SCN10A: variants seen among roughly 807,000 people sequenced by gnomAD.
The protein encoded by SCN10A is sodium voltage-gated channel alpha subunit 10, also known as sodium channel protein type 10 subunit alpha.
In SCN10A, 162 loss-of-function variants were observed where a neutral mutation model predicts 170.7. The ratio of observed to expected loss-of-function variants is 0.95; its 90% CI spans 0.84 to 1.08. The LOEUF is 1.08. Ranked by LOEUF, SCN10A falls within the 50% of genes least tolerant of loss-of-function variation. SCN10A has a pLI of 0.00. For synonymous variants in SCN10A, 985 were observed against 904.6 expected, an observed-to-expected ratio of 1.09 and a Z score of -1.59; for missense variants, 2,527 against 2,436.9, an observed-to-expected ratio of 1.04 and a Z score of -0.78.
intron 1 of SCN10A, among the ~76,000 whole-genome samples, chr3:38,803,681 G>A (rs1220511656): frequency 6.6e-6 from 1 of 150,722 alleles, no homozygotes; most frequent in Non-Finnish European, 1.5e-5. Context: ...GATAGCATTA[G>A]GAGATATACC....
In SCN10A at chr3:38,702,053, G is replaced by A. The variant is rs1156607706; in HGVS notation, c.4443C>T (p.Thr1481=). The A allele has an allele frequency of 6.3e-7, 1 of 1,599,078 alleles. No homozygotes were observed. The highest frequency in any genetic ancestry group is 8.5e-7 in the Non-Finnish European group (1 of 1,172,818). Residue 1481 remains threonine, a synonymous_variant, in exon 27 of 28, where the codon ACC becomes ACT. Transcript: ENST00000449082. ...DIVTRQAFDI[T]IMVLICLNMI... is the part of the protein sequence containing the mutation. ...TGTTGAGGCAGATGAGGACCATGAT[G>A]GTGATGTCAAAAGCTTGTCTGGTCA... is the stretch of plus-strand genomic sequence containing the variant.
rs750148431 is a variant in SCN10A, at chr3:38,712,452, G to C, written c.3805-7C>G. 10 of 1,612,256 alleles carry C rather than the reference G, an allele frequency of 6.2e-6. No homozygotes were observed. The Admixed American group carries it at 1.7e-4, about 27-fold the overall frequency. ...CCAGGGCATCCACCACCACCTGGTG[G>C]GAGATAGAGAAAGACCTGGAACCTC... On this transcript the variant is annotated splice_polypyrimidine_tract_variant and splice_region_variant and intron_variant, in intron 22 of 27. Coordinates refer to ENST00000449082, the MANE Select transcript of SCN10A (RefSeq NM_006514.4).
At chr3:38,725,427 C>T (rs1449395028) in intron 17 of SCN10A, 113 bp from the exon 18 acceptor site, 2 of 960,082 alleles carry the variant, frequency 2.1e-6, no homozygotes, top group Non-Finnish European at 3.0e-6. Context: ...TTCATATATG[C>T]AACTCATGTA....
intron 19 of SCN10A, among the ~76,000 whole-genome samples, chr3:38,722,635 T>G (rs2063406093): frequency 6.6e-6 from 1 of 152,176 alleles, no homozygotes; most frequent in Admixed American, 6.5e-5. Context: ...CTCTGATGTT[T>G]TTCCTAGCCA....
chr3:38,781,784 G>T (rs2126050215), intron 4 of SCN10A, among the ~76,000 whole-genome samples: 1 of 152,194 alleles, frequency 6.6e-6, no homozygotes, highest in Non-Finnish European at 1.5e-5. Context: ...TTTATGGTCT[G>T]AAACCCCAAT....
chr3:38,729,030 T>C lies in SCN10A; in HGVS notation c.2281-129A>G. On this transcript the variant is annotated intron_variant, in intron 15 of 27. Coordinates refer to ENST00000449082, the MANE Select transcript of SCN10A (RefSeq NM_006514.4). The stretch of plus-strand genomic sequence containing the variant: ...CATCCCATTAAACCAGGGCGTTTTC[T>C]GGACACTGCTTTTGGAGACCTTTCT... The C allele has an allele frequency of 4.3e-6, 5 of 1,149,978 alleles. No individual in the cohort carries two copies. The South Asian group carries it at 8.2e-5, about 19-fold the overall frequency. 71.2% of individuals were successfully genotyped at this position (1,149,978 alleles called of 1,614,324 possible).
rs1020868099 is a variant in SCN10A at position 38,792,378 on chromosome 3, A to G, written c.271-210T>C. On this transcript the variant is annotated intron_variant, in intron 2 of 27. Coordinates refer to ENST00000449082, the MANE Select transcript of SCN10A (RefSeq NM_006514.4). Reference sequence around the variant, plus strand: ...TCCTCACCCTCTCAGCAAGATCCTCATCTCTGGGACTGACAGTGCACCAAG... The same window carrying G: ...TCCTCACCCTCTCAGCAAGATCCTCGTCTCTGGGACTGACAGTGCACCAAG... 5.9e-5 allele frequency among the ~76,000 whole-genome samples: 9 copies of G among 152,312 alleles called. 1 individual carries two copies. The highest frequency in any genetic ancestry group is 1.9e-4 in the East Asian group (1 of 5,178).
intron 1 of SCN10A, among the ~76,000 whole-genome samples, chr3:38,815,564 G>A (rs922985903): frequency 1.3e-5 from 2 of 152,196 alleles, no homozygotes; most frequent in Non-Finnish European, 2.9e-5. Context: ...TCTTGCTGAA[G>A]CTGTGTATCA....
intron 4 of SCN10A, among the ~76,000 whole-genome samples, chr3:38,776,224 C>T (rs2064072661): frequency 6.6e-6 from 1 of 152,082 alleles, no homozygotes; most frequent in Non-Finnish European, 1.5e-5. Flanking sequence ...GGAGATTATC[C>T]ACATCCATTA....
chr3:38,791,996 C>T, intron 3 of SCN10A, 54 bp downstream of exon 3: 1 of 1,601,936 alleles, frequency 6.2e-7, no homozygotes, highest in East Asian at 2.2e-5. Context: ...GTACTGGACA[C>T]AGTAGGCAAG....
In SCN10A at chr3:38,756,662, C is replaced by T. The variant is rs2063808746; in HGVS notation, c.1290+12G>A. ...TGCAACCTTCTTCACAAAGCTTCCA[C>T]TCCTCACAAACCTCCTGCTCCTTCC... is the stretch of plus-strand genomic sequence containing the variant. On this transcript the variant is annotated intron_variant, in intron 10 of 27. Coordinates refer to ENST00000449082, the MANE Select transcript of SCN10A (RefSeq NM_006514.4). 6.2e-7 allele frequency: 1 copy of T among 1,609,938 alleles called. No individual in the cohort carries two copies. Among genetic ancestry groups the T allele is most frequent in the Admixed American group, 1.7e-5 (1 of 60,016 alleles).
intron 5 of SCN10A, among the ~76,000 whole-genome samples, chr3:38,763,827 T>C (rs1335784610): frequency 6.6e-6 from 1 of 152,212 alleles, no homozygotes; most frequent in Non-Finnish European, 1.5e-5. Context: ...CAACACTGCA[T>C]GTGGACGGAT....
chr3:38,789,402 A>G (rs4676595), intron 3 of SCN10A, among the ~76,000 whole-genome samples: 115,633 of 152,018 alleles, frequency 0.76, 44,208 homozygotes, highest in South Asian at 0.81. Context: ...AAGGAAACAG[A>G]CTCCCTTTTC....
In SCN10A at chr3:38,726,711, C is replaced by A. The variant is rs770653074; in HGVS notation, c.2982G>T (p.Trp994Cys). ...HSDFIANPTV[W>C]VSVPIAEGES... ...CACCCTCAGCAATGGGCACAGAGAC[C>A]CACACAGTCGGATTAGCGATGAAGT... Residue 994 changes from tryptophan (W) to cysteine (C), a missense_variant, in exon 17 of 28, where the codon TGG becomes TGT. By Grantham distance (215) the Trp-to-Cys change is radical. Transcript: ENST00000449082. 5.6e-6 allele frequency: 9 copies of A among 1,612,886 alleles called. No homozygotes were observed. Among genetic ancestry groups the A allele is most frequent in the Non-Finnish European group, 6.8e-6 (8 of 1,178,938 alleles).
intron 8 of SCN10A, among the ~76,000 whole-genome samples, chr3:38,759,100 T>C (rs2063840110): frequency 6.6e-6 from 1 of 152,098 alleles, no homozygotes; most frequent in Non-Finnish European, 1.5e-5. Flanking sequence ...CCAACTGAGA[T>C]AGTTTTCCTA....
chr3:38,730,070 A>T (rs1359896144), intron 15 of SCN10A, among the ~76,000 whole-genome samples: 1 of 152,218 alleles, frequency 6.6e-6, no homozygotes, highest in Non-Finnish European at 1.5e-5. Context: ...GAGCATTAGT[A>T]ACTAGTATGG....
Position 38,713,958 on chromosome 3 carries a change from C to T in SCN10A, c.3804G>A (p.Arg1268=). ...LRALSRFEGM[R]VVVDALVGAI... ...AGAGAAGTTTTGAGATCAGACTTAC[C>T]CGCATGCCTTCAAATCGAGAAAGAG... Residue 1268 remains arginine (R), a splice_region_variant and synonymous_variant, in exon 22 of 28, where the codon CGG becomes CGA. Transcript: ENST00000449082. The T allele has an allele frequency of 6.2e-7, 1 of 1,613,250 alleles. No individual in the cohort carries two copies. The highest frequency in any genetic ancestry group is 8.5e-7 in the Non-Finnish European group (1 of 1,180,006).
intron 15 of SCN10A, among the ~76,000 whole-genome samples, chr3:38,737,794 C>CTCT (rs2063582587): frequency 2.3e-4 from 6 of 26,592 alleles, no homozygotes; most frequent in South Asian, 1.3e-3. Context: ...CCCTCCCTCC[C>CTCT]TTCCTCTTTC....
At chr3:38,803,413 A>C (rs1432064432) in intron 1 of SCN10A, among the ~76,000 whole-genome samples, 1 of 152,164 alleles carries the variant, frequency 6.6e-6, no homozygotes, top group Non-Finnish European at 1.5e-5. Flanking sequence ...ATGTCCAACA[A>C]TGATAGACTG....
Sources: allele counts gnomAD v4.1 joint callset (sites outside exome capture counted in the v4.1 genomes callset), GRCh38; gene constraint gnomAD v4.1.1; transcripts MANE v1.5; gene names NCBI Gene and HGNC (gene_info 2026-07-23, HGNC 2026-07-21).